Variants in LRRC18 observed in about 807,000 individuals in gnomAD.
LRRC18 encodes leucine-rich repeat-containing protein 18.
Under a neutral mutation model 11.2 loss-of-function variants are expected in LRRC18, and 12 were observed. The ratio of observed to expected loss-of-function variants is 1.07; its 90% CI spans 0.69 to 1.74. The LOEUF (loss-of-function observed/expected upper bound fraction) is 1.74, where lower values mean the gene tolerates loss of function less well. Among genes scored for constraint, LRRC18 ranks in the 40% most tolerant of loss-of-function variants. LRRC18 has a pLI of 0.00. For missense variants in LRRC18, 374 were observed against 330.5 expected, an observed-to-expected ratio of 1.13 and a Z score of -1.02; for synonymous variants, 155 against 130.6, an observed-to-expected ratio of 1.19 and a Z score of -1.27.
the LRRC18 span, among the ~76,000 whole-genome samples, chr10:48,925,998 G>A: frequency 1.3e-5 from 2 of 152,282 alleles, no homozygotes; most frequent in Admixed American, 1.3e-4. Context: ...AGGCAGCAAA[G>A]AATACAGCCA....
At chr10:48,920,606 A>G in the LRRC18 span, among the ~76,000 whole-genome samples, 1 of 152,262 alleles carries the variant, frequency 6.6e-6, no homozygotes, top group South Asian at 2.1e-4. Context: ...GTTTGGGACT[A>G]AGACAAGAGA....
intron 1 of LRRC18, among the ~76,000 whole-genome samples, chr10:48,912,931 A>T (rs1838138630): frequency 6.6e-6 from 1 of 152,226 alleles, no homozygotes; most frequent in Admixed American, 6.5e-5. Context: ...CCAAGTGCTC[A>T]TCTACTTTCT....
the LRRC18 span, among the ~76,000 whole-genome samples, chr10:48,920,362 G>C: frequency 3.0e-4 from 41 of 134,828 alleles, no homozygotes; most frequent in East Asian, 7.8e-3. Context: ...ACCGGGGCCT[G>C]TTGTGGGGTG....
upstream of LRRC18, among the ~76,000 whole-genome samples, chr10:48,919,049 A>G (rs1838812173): frequency 6.6e-6 from 1 of 152,214 alleles, no homozygotes; most frequent in South Asian, 2.1e-4. Context: ...TGGAATATCC[A>G]CTAACACAGA....
At chr10:48,919,946 A>C in the LRRC18 span, among the ~76,000 whole-genome samples, 11 of 152,206 alleles carry the variant, frequency 7.2e-5, no homozygotes, top group African/African-American at 2.7e-4. Flanking sequence ...TCACACAAAG[A>C]CATATAAGAA....
At chr10:48,936,612 TG>T in the LRRC18 span, among the ~76,000 whole-genome samples, 4 of 150,684 alleles carry the variant, frequency 2.7e-5, no homozygotes, top group Non-Finnish European at 4.4e-5. Flanking sequence ...CCGAAGAGGG[TG>T]GATCACAAGG....
chr10:48,930,217 A>G, the LRRC18 span, among the ~76,000 whole-genome samples: 1 of 152,234 alleles, frequency 6.6e-6, no homozygotes, highest in Non-Finnish European at 1.5e-5. Context: ...GCTGAGAGTC[A>G]GCTGCTACAT....
Position 48,914,104 on chromosome 10 carries a change from CCA to C in LRRC18, c.50_51del (p.Val17GlyfsTer10). 6.2e-7 allele frequency: 1 copy of C among 1,614,176 alleles called. No homozygotes were observed. The highest frequency in any genetic ancestry group is 8.5e-7 in the Non-Finnish European group (1 of 1,180,026). On this transcript the variant is annotated frameshift_variant, in exon 1 of 2. Coordinates refer to ENST00000374160, the Ensembl canonical transcript of LRRC18. LOFTEE classifies it high-confidence loss of function. Reference sequence around the variant, plus strand: ...AAAGTGATTTTGATGCAATTCCTGGCCACCTTGAGGGTGATCTTCTTGCCCTT... The same window carrying C: ...AAAGTGATTTTGATGCAATTCCTGGCCCTTGAGGGTGATCTTCTTGCCCTT...
chr10:48,914,293 G>A (rs1186509047), upstream of LRRC18: 13 of 896,620 alleles, frequency 1.4e-5, no homozygotes, highest in African/African-American at 1.2e-4. Context: ...GCTCCCCCAC[G>A]TCATGACGCT....
chr10:48,911,005 A>C, intron 1 of LRRC18: 2 of 647,942 alleles, frequency 3.1e-6, no homozygotes, highest in Non-Finnish European at 3.8e-6. Flanking sequence ...TGAAATGGAA[A>C]GTCATCATGT....
chr10:48,915,182 C>A (rs1838400808), upstream of LRRC18, among the ~76,000 whole-genome samples: 2 of 152,178 alleles, frequency 1.3e-5, no homozygotes, highest in South Asian at 4.1e-4. Flanking sequence ...TACTATAAAG[C>A]ACTTATAACA....
chr10:48,919,861 C>A, the LRRC18 span, among the ~76,000 whole-genome samples: 1 of 132,624 alleles, frequency 7.5e-6, no homozygotes, highest in Non-Finnish European at 1.7e-5. Flanking sequence ...TTGATATGAT[C>A]TCTTTCAAAA....
exon 2 of LRRC18, chr10:48,910,171 G>T: frequency 7.1e-7 from 1 of 1,405,968 alleles, no homozygotes; most frequent in South Asian, 1.2e-5. Context: ...CTAACTGGGG[G>T]CTTCTCCTCT....
At chr10:48,919,176 T>TA (rs1232822993), upstream of LRRC18, among the ~76,000 whole-genome samples, 869 of 147,858 alleles carry the variant, frequency 5.9e-3, 10 homozygotes, top group African/African-American at 0.02. Context: ...ACTGACAATT[T>TA]AAAAAAAAAA....
the LRRC18 span, among the ~76,000 whole-genome samples, chr10:48,934,444 T>C: frequency 6.6e-6 from 1 of 152,196 alleles, no homozygotes; most frequent in African/African-American, 2.4e-5. Flanking sequence ...GCTGAGAAAC[T>C]TGTGTGGAGT....
chr10:48,926,888 T>C, the LRRC18 span, among the ~76,000 whole-genome samples: 2 of 152,188 alleles, frequency 1.3e-5, no homozygotes, highest in Admixed American at 1.3e-4. Flanking sequence ...TCGTTGTTTC[T>C]CAGCTTCTCC....
chr10:48,938,464 A>C, the LRRC18 span, among the ~76,000 whole-genome samples: 2 of 152,384 alleles, frequency 1.3e-5, no homozygotes, highest in African/African-American at 4.8e-5. Flanking sequence ...AGGCCCAGCC[A>C]CAGGCTGCTC....
chr10:48,910,281 G>T, intron 1 of LRRC18, 23 bp from the exon 4 acceptor site: 1 of 1,612,512 alleles, frequency 6.2e-7, no homozygotes, highest in Non-Finnish European at 8.5e-7. Context: ...ACACAAGAAG[G>T]TGAGGCAATT....
the LRRC18 span, among the ~76,000 whole-genome samples, chr10:48,921,619 T>C: frequency 2.0e-5 from 3 of 151,044 alleles, no homozygotes; most frequent in Non-Finnish European, 4.4e-5. Flanking sequence ...AAAAAAAACG[T>C]TGAGCATGAA....
Sources: allele counts gnomAD v4.1 joint callset (sites outside exome capture counted in the v4.1 genomes callset), GRCh38; gene constraint gnomAD v4.1.1; transcripts MANE v1.5; gene names NCBI Gene and HGNC (gene_info 2026-07-23, HGNC 2026-07-21).